PTK2: variants seen among roughly 807,000 people sequenced by gnomAD.
PTK2 encodes the protein protein tyrosine kinase 2, also known as focal adhesion kinase 1.
A neutral mutation model predicts 150.1 loss-of-function variants in PTK2; 45 were observed. That is an observed-to-expected ratio of 0.30 (90% CI 0.24 to 0.38). PTK2 has a LOEUF of 0.38. Ranked by LOEUF, PTK2 falls within the 10% of genes least tolerant of loss-of-function variation. The probability of loss-of-function intolerance (pLI) is 1.00; values close to 1 mark genes in which losing one functional copy is unlikely to be tolerated. For missense variants in PTK2, 919 were observed against 1,307.3 expected (o/e 0.70, Z 4.58); for synonymous variants, 432 against 449.2 (o/e 0.96, Z 0.48).
chr8:140,925,992 C>A (rs557986350), intron 1 of PTK2, among the ~76,000 whole-genome samples: 1 of 152,324 alleles, frequency 6.6e-6, no homozygotes, highest in East Asian at 1.9e-4. Context: ...CTACCTATCA[C>A]AACAAACTAC....
intron 8 of PTK2, among the ~76,000 whole-genome samples, chr8:140,828,990 C>A (rs1156852556): frequency 2.6e-5 from 4 of 152,232 alleles, no homozygotes; most frequent in African/African-American, 9.6e-5. Context: ...TACTTGTAGA[C>A]TGGGACAGTG....
intron 25 of PTK2, among the ~76,000 whole-genome samples, chr8:140,701,971 T>C (rs917441412): frequency 8.6e-5 from 13 of 151,096 alleles, no homozygotes; most frequent in African/African-American, 3.2e-4. Flanking sequence ...TACTAAAAAA[T>C]ACAAAAATTA....
chr8:140,749,080 G>A (rs924673088), intron 17 of PTK2, among the ~76,000 whole-genome samples: 10 of 152,122 alleles, frequency 6.6e-5, no homozygotes, highest in African/African-American at 2.4e-4. Flanking sequence ...AATATTAGTG[G>A]GTGTTCTGTC....
intron 5 of PTK2, 36 bp from the exon 6 acceptor site, chr8:140,846,714 T>C (rs768098673): frequency 1.3e-6 from 2 of 1,485,044 alleles, no homozygotes; most frequent in Admixed American, 1.8e-5. Flanking sequence ...AACACTGTTT[T>C]AAAAGAAAAA....
chr8:140,709,174 C>T (rs1345267615), intron 23 of PTK2, among the ~76,000 whole-genome samples: 1 of 152,048 alleles, frequency 6.6e-6, no homozygotes, highest in Admixed American at 6.6e-5. Context: ...TCTACTGTGC[C>T]ATGATGCTAT....
At chr8:140,795,252 T>C (rs1055385519) in intron 12 of PTK2, among the ~76,000 whole-genome samples, 4 of 152,084 alleles carry the variant, frequency 2.6e-5, no homozygotes, top group African/African-American at 9.7e-5. Context: ...ACATTACTCC[T>C]CTCTTCACAC....
chr8:140,905,005 C>G (rs745554175), intron 2 of PTK2, among the ~76,000 whole-genome samples: 7 of 152,072 alleles, frequency 4.6e-5, no homozygotes, highest in Non-Finnish European at 7.4e-5. Context: ...CAGTTCTGCT[C>G]TAATCTTAGT....
chr8:140,876,739 G>A (rs371470012), intron 4 of PTK2, among the ~76,000 whole-genome samples: 1 of 151,914 alleles, frequency 6.6e-6, no homozygotes, highest in Non-Finnish European at 1.5e-5. Flanking sequence ...TCTCTCCGTG[G>A]TATGTTCTGG....
chr8:140,810,791 C>A (rs1200280487), intron 10 of PTK2, among the ~76,000 whole-genome samples: 1 of 152,144 alleles, frequency 6.6e-6, no homozygotes, highest in Non-Finnish European at 1.5e-5. Flanking sequence ...TCAACATTAT[C>A]CCAAGAGTGA....
chr8:140,865,007 G>A (rs535204841), intron 4 of PTK2, among the ~76,000 whole-genome samples: 1 of 152,266 alleles, frequency 6.6e-6, no homozygotes, highest in East Asian at 1.9e-4. Flanking sequence ...CAAAGAGGTT[G>A]TAACAAGTCA....
chr8:140,862,759 T>C (rs1285504015), intron 5 of PTK2, among the ~76,000 whole-genome samples: 2 of 152,136 alleles, frequency 1.3e-5, no homozygotes, highest in Non-Finnish European at 2.9e-5. Flanking sequence ...GGGATCTAGG[T>C]TGCGCATTCC....
At chr8:140,949,132 C>A (rs1481576845) in intron 1 of PTK2, among the ~76,000 whole-genome samples, 7 of 151,940 alleles carry the variant, frequency 4.6e-5, no homozygotes, top group South Asian at 4.2e-4. Context: ...CTTAATATTT[C>A]TTAATATTTC....
chr8:140,688,922 T>C (rs2100021520), intron 26 of PTK2, among the ~76,000 whole-genome samples: 1 of 152,202 alleles, frequency 6.6e-6, no homozygotes, highest in African/African-American at 2.4e-5. Context: ...GGCATGCAGT[T>C]GGCGACTATG....
At chr8:140,860,109 T>C (rs1207445069) in intron 5 of PTK2, among the ~76,000 whole-genome samples, 1 of 152,200 alleles carries the variant, frequency 6.6e-6, no homozygotes, top group African/African-American at 2.4e-5. Flanking sequence ...CAGCATTTAA[T>C]GCTGTTAATA....
intron 14 of PTK2, among the ~76,000 whole-genome samples, 181 bp downstream of exon 16, chr8:140,769,394 A>G (rs143070499): frequency 3.1e-4 from 47 of 152,364 alleles, no homozygotes; most frequent in African/African-American, 1.1e-3. Flanking sequence ...TGATTAAGAA[A>G]TTGATAGTTA....
chr8:140,757,694 T>C (rs1272593336), intron 16 of PTK2, among the ~76,000 whole-genome samples: 6 of 152,224 alleles, frequency 3.9e-5, no homozygotes, highest in South Asian at 2.1e-4. Context: ...TTCTCTGTTA[T>C]TGTAACTTTA....
chr8:140,796,883 C>T (rs1022411266), intron 12 of PTK2, among the ~76,000 whole-genome samples: 1 of 152,216 alleles, frequency 6.6e-6, no homozygotes, highest in Non-Finnish European at 1.5e-5. Context: ...CACACACACA[C>T]ACACATTTAC....
chr8:140,804,735 A>C (rs984434018), intron 10 of PTK2, among the ~76,000 whole-genome samples: 1 of 152,168 alleles, frequency 6.6e-6, no homozygotes, highest in Non-Finnish European at 1.5e-5. Flanking sequence ...ATTGTTCAGA[A>C]AGAGGTTCAC....
rs753769987 is a variant in PTK2 at position 140,702,552 on chromosome 8, CCAAGA to C, written c.2367+13_2367+17del. 4 of 1,612,084 alleles carry C rather than the reference CCAAGA, an allele frequency of 2.5e-6. No homozygotes were observed. In the Admixed American group the frequency reaches 6.7e-5, roughly 27 times the overall value. ...GCTTTATAAGTTAACAAACTGAAGC[CCAAGA>C]CACCCGATTTACCTCCACATTGGGC... On this transcript the variant is annotated intron_variant, in intron 25 of 31. Coordinates refer to ENST00000522684, the Ensembl canonical transcript of PTK2.
Sources: gnomAD v4.1 joint callset for allele counts (sites outside exome capture counted in the v4.1 genomes callset) on GRCh38, gnomAD v4.1.1 for gene constraint, MANE v1.5 for transcripts, NCBI Gene and HGNC (gene_info 2026-07-23, HGNC 2026-07-21) for gene names.